The following RBFOX1 variants were observed in gnomAD, a reference collection of about 807,000 sequenced individuals.
RBFOX1 encodes the protein RNA binding fox-1 homolog 1.
RBFOX1 carries 8 observed loss-of-function variants against 57.7 expected under a neutral mutation model. The observed-to-expected ratio is 0.14, with a 90% CI of 0.08 to 0.25. RBFOX1 has a LOEUF of 0.25. Ranked by LOEUF, RBFOX1 falls within the 10% of genes least tolerant of loss-of-function variation. The probability of loss-of-function intolerance (pLI) is 1.00; values close to 1 mark genes in which losing one functional copy is unlikely to be tolerated. For missense variants in RBFOX1, 611 were observed against 548.5 expected, an observed-to-expected ratio of 1.11 and a Z score of -1.14; for synonymous variants, 326 against 222.4, an observed-to-expected ratio of 1.47 and a Z score of -4.15.
chr16:7,122,136 C>T (rs2067328255), intron 4 of RBFOX1, among the ~76,000 whole-genome samples: 1 of 151,984 alleles, frequency 6.6e-6, no homozygotes, highest in Admixed American at 6.6e-5. Context: ...ACAATCTCAC[C>T]TCCCCAAAAA....
At chr16:5,479,448 G>A (rs989610218) in intron 2 of RBFOX1, among the ~76,000 whole-genome samples, 1 of 152,168 alleles carries the variant, frequency 6.6e-6, no homozygotes, top group East Asian at 1.9e-4. Context: ...TTCAGGCAGA[G>A]TATTGTTTCC....
intron 2 of RBFOX1, among the ~76,000 whole-genome samples, chr16:6,477,516 G>A (rs996412129): frequency 6.6e-6 from 1 of 152,132 alleles, no homozygotes; most frequent in Non-Finnish European, 1.5e-5. Context: ...TTAATAGTGG[G>A]CTTAAAATAT....
chr16:5,265,586 C>T (rs1351122691), intron 1 of RBFOX1, among the ~76,000 whole-genome samples: 1 of 152,152 alleles, frequency 6.6e-6, no homozygotes, highest in African/African-American at 2.4e-5. Context: ...AAATGCTGAT[C>T]AATATGTGTA....
chr16:6,929,501 T>C (rs2076164207), intron 3 of RBFOX1, among the ~76,000 whole-genome samples: 1 of 152,142 alleles, frequency 6.6e-6, no homozygotes, highest in Non-Finnish European at 1.5e-5. Flanking sequence ...TGCTTTGCTT[T>C]ATTGCAAGCC....
intron 4 of RBFOX1, among the ~76,000 whole-genome samples, chr16:7,180,066 C>T (rs529251100): frequency 6.6e-6 from 1 of 152,130 alleles, no homozygotes; most frequent in African/African-American, 2.4e-5. Context: ...TTGAACAGAG[C>T]CTGCTTTTCT....
intron 4 of RBFOX1, among the ~76,000 whole-genome samples, chr16:7,418,890 T>C (rs1166536415): frequency 6.8e-6 from 1 of 147,256 alleles, no homozygotes; most frequent in African/African-American, 2.5e-5. Flanking sequence ...GGTTTTTTTT[T>C]GTTGTTGTTT....
intron 4 of RBFOX1, among the ~76,000 whole-genome samples, chr16:7,364,479 T>C (rs896366770): frequency 6.6e-6 from 1 of 151,596 alleles, no homozygotes; most frequent in African/African-American, 2.4e-5. Flanking sequence ...GTTGGGTTGC[T>C]GAGTTTCAAG....
At chr16:7,025,433 C>G (rs572361483) in intron 3 of RBFOX1, among the ~76,000 whole-genome samples, 1 of 152,090 alleles carries the variant, frequency 6.6e-6, no homozygotes, top group East Asian at 1.9e-4. Flanking sequence ...CCTATTTTAT[C>G]GTATGACTTA....
chr16:7,401,691 G>T (rs1330338016), intron 4 of RBFOX1, among the ~76,000 whole-genome samples: 1 of 152,138 alleles, frequency 6.6e-6, no homozygotes, highest in African/African-American at 2.4e-5. Flanking sequence ...TTTGTTGCTT[G>T]CCTCCAGAAT....
chr16:5,361,898 T>C (rs562856716), intron 1 of RBFOX1, among the ~76,000 whole-genome samples: 1 of 152,290 alleles, frequency 6.6e-6, no homozygotes, highest in East Asian at 1.9e-4. Flanking sequence ...GTGACAAAAA[T>C]CATCTTAATG....
intron 2 of RBFOX1, among the ~76,000 whole-genome samples, chr16:6,380,246 G>A (rs1290268005): frequency 1.3e-5 from 2 of 151,850 alleles, no homozygotes; most frequent in African/African-American, 4.8e-5. Context: ...CCAAGCCCTG[G>A]GAATCAACTA....
chr16:7,272,215 G>A (rs771247294), intron 4 of RBFOX1, among the ~76,000 whole-genome samples: 2 of 151,880 alleles, frequency 1.3e-5, no homozygotes, highest in Admixed American at 6.6e-5. Context: ...AAAGAGTCTC[G>A]CTCTGTCATC....
intron 2 of RBFOX1, among the ~76,000 whole-genome samples, chr16:6,643,020 G>A (rs1281503773): frequency 6.6e-6 from 1 of 152,050 alleles, no homozygotes; most frequent in Admixed American, 6.6e-5. Context: ...TAGACTTTTC[G>A]GAATATTCTT....
At chr16:6,291,637 C>A (rs1238186857) in intron 1 of RBFOX1, among the ~76,000 whole-genome samples, 1 of 152,200 alleles carries the variant, frequency 6.6e-6, no homozygotes, top group Non-Finnish European at 1.5e-5. Context: ...TATCCAATGG[C>A]ATCCTTTGCC....
intron 3 of RBFOX1, among the ~76,000 whole-genome samples, chr16:6,727,093 C>G (rs1345424451): frequency 6.3e-5 from 2 of 31,700 alleles, no homozygotes; most frequent in Non-Finnish European, 1.0e-4. Flanking sequence ...ACAAAACACA[C>G]ACAGACACAC....
intron 1 of RBFOX1, among the ~76,000 whole-genome samples, chr16:6,251,808 G>A (rs1279394533): frequency 1.3e-5 from 2 of 152,028 alleles, no homozygotes; most frequent in African/African-American, 4.8e-5. Flanking sequence ...ACTTCTCAAA[G>A]CCCTGCCTCT....
chr16:7,449,410 T>A (rs891372112), intron 4 of RBFOX1, among the ~76,000 whole-genome samples: 1 of 152,132 alleles, frequency 6.6e-6, no homozygotes, highest in African/African-American at 2.4e-5. Context: ...GAATTCAGAA[T>A]GAATAGAAAA....
intron 4 of RBFOX1, among the ~76,000 whole-genome samples, chr16:7,366,416 C>T (rs543545715): frequency 1.3e-5 from 2 of 152,082 alleles, no homozygotes; most frequent in African/African-American, 2.4e-5. Context: ...ATGGCTGAGC[C>T]GAGTTTGGCC....
chr16:7,541,045 T>C (rs1048472422), intron 5 of RBFOX1, among the ~76,000 whole-genome samples: 6 of 152,176 alleles, frequency 3.9e-5, no homozygotes, highest in Admixed American at 1.3e-4. Flanking sequence ...CCCAGAATGT[T>C]TCCTTTTAGA....
Sources: allele counts gnomAD v4.1 joint callset (sites outside exome capture counted in the v4.1 genomes callset), GRCh38; gene constraint gnomAD v4.1.1; transcripts MANE v1.5; gene names NCBI Gene and HGNC (gene_info 2026-07-23, HGNC 2026-07-21).